Variants in RAMP1 observed in about 807,000 individuals in gnomAD.
RAMP1 encodes the protein receptor activity-modifying protein 1.
Under a neutral mutation model 8.2 loss-of-function variants are expected in RAMP1, and 7 were observed. The observed-to-expected ratio is 0.85, with a 90% CI of 0.49 to 1.60. RAMP1 has a LOEUF of 1.60. Ranked by LOEUF, RAMP1 falls within the 40% of genes most tolerant of loss-of-function variation. The probability of loss-of-function intolerance (pLI) is 0.00; values close to 1 mark genes in which losing one functional copy is unlikely to be tolerated. For synonymous variants in RAMP1, 92 were observed against 84.7 expected (o/e 1.09, Z -0.47); for missense variants, 192 against 202.4 (o/e 0.95, Z 0.31).
intron 2 of RAMP1, among the ~76,000 whole-genome samples, chr2:237,893,343 T>C (rs2062505071): frequency 6.6e-6 from 1 of 152,202 alleles, no homozygotes; most frequent in South Asian, 2.1e-4. Flanking sequence ...TGAGAACTTG[T>C]TTTGCTGATG....
intron 1 of RAMP1, among the ~76,000 whole-genome samples, chr2:237,871,250 TAG>T (rs1346071059): frequency 6.6e-6 from 1 of 152,140 alleles, no homozygotes; most frequent in African/African-American, 2.4e-5. Flanking sequence ...AGCTGACCCC[TAG>T]AGAGACAGGA....
At chr2:237,867,322 G>C (rs2062197430) in intron 1 of RAMP1, among the ~76,000 whole-genome samples, 1 of 152,038 alleles carries the variant, frequency 6.6e-6, no homozygotes, top group Non-Finnish European at 1.5e-5. Flanking sequence ...CAAGAAGGAG[G>C]AGCAAGAGGA....
chr2:237,903,064 G>T (rs1467973632), intron 2 of RAMP1, among the ~76,000 whole-genome samples: 3 of 152,154 alleles, frequency 2.0e-5, no homozygotes, highest in African/African-American at 7.2e-5. Context: ...TCACTAGGTT[G>T]CCCAGGCTGG....
intron 2 of RAMP1, among the ~76,000 whole-genome samples, chr2:237,888,510 C>G (rs1336116924): frequency 6.6e-6 from 1 of 152,148 alleles, no homozygotes; most frequent in Non-Finnish European, 1.5e-5. Context: ...GAGATTTCCT[C>G]TGTAGTTTTA....
chr2:237,884,138 A>T (rs1334334205), intron 2 of RAMP1, among the ~76,000 whole-genome samples: 2 of 151,844 alleles, frequency 1.3e-5, no homozygotes, highest in African/African-American at 4.8e-5. Flanking sequence ...GTGATTCCTG[A>T]GCCCTTTCTA....
chr2:237,892,735 TTCTCTCTCTC>T lies in RAMP1; in HGVS notation c.191+15387_191+15396del, dbSNP rs35656622. On this transcript the variant is annotated intron_variant, in intron 2 of 2. Transcript: ENST00000254661. ...AGGAATCTGGGTTTTGGGCTTCCTCTTCTCTCTCTCTCTCTCTCTCTCTTCTCCATCCTTC... is the reference window on the plus strand; with the variant it reads ...AGGAATCTGGGTTTTGGGCTTCCTCTTCTCTCTCTCTCTTCTCCATCCTTC... 1.9e-3 allele frequency among the ~76,000 whole-genome samples: 282 copies of T among 148,736 alleles called. 1 individual carries two copies. Among genetic ancestry groups the T allele is most frequent in the African/African-American group, 6.5e-3 (262 of 40,492 alleles).
chr2:237,889,427 GC>G (rs2062467498), intron 2 of RAMP1, among the ~76,000 whole-genome samples: 1 of 152,044 alleles, frequency 6.6e-6, no homozygotes, highest in South Asian at 2.1e-4. Flanking sequence ...AAATAATGTC[GC>G]CAACCTCCAT....
rs570229066 is a variant in RAMP1 at position 237,880,440 on chromosome 2, C to T, written c.191+3078C>T. ...CCAGCCCTGAAGTCAGCCATTTCTCCAAGGAACACTGGTTCCTTTTGTTAG... is the reference window on the plus strand; with the variant it reads ...CCAGCCCTGAAGTCAGCCATTTCTCTAAGGAACACTGGTTCCTTTTGTTAG... On this transcript the variant is annotated intron_variant, in intron 2 of 2. Transcript: ENST00000254661. 2.6e-5 allele frequency among the ~76,000 whole-genome samples: 4 copies of T among 152,308 alleles called. No individual in the cohort carries two copies. In the East Asian group the frequency reaches 5.8e-4, roughly 22 times the overall value.
intron 2 of RAMP1, among the ~76,000 whole-genome samples, chr2:237,891,140 T>C (rs527311124): frequency 3.5e-4 from 54 of 152,172 alleles, no homozygotes; most frequent in African/African-American, 1.3e-3. Flanking sequence ...TGTCAGTTTT[T>C]TTCATTGTAT....
rs548708312 is a variant in RAMP1, at chr2:237,871,874, A to C, written c.53-5350A>C. Among the ~76,000 whole-genome samples, 812 of 152,372 alleles carry C rather than the reference A, an allele frequency of 5.3e-3. 17 individuals are homozygous for C. Among genetic ancestry groups the C allele is most frequent in the Non-Finnish European group, 4.9e-3 (335 of 68,038 alleles). ...AGACCCTGTCTCCAAAAAAGGAAGA[A>C]AGAAAACCACTAGATACGGTGATGG... is the stretch of plus-strand genomic sequence containing the variant. On this transcript the variant is annotated intron_variant, in intron 1 of 2. Transcript: ENST00000254661.
intron 1 of RAMP1, among the ~76,000 whole-genome samples, chr2:237,868,432 T>G (rs1263185835): frequency 1.3e-5 from 2 of 152,196 alleles, no homozygotes; most frequent in Non-Finnish European, 2.9e-5. Context: ...TGTGAACAAT[T>G]ATTTTTCTAA....
At chr2:237,873,855 G>A (rs1312068214) in intron 1 of RAMP1, among the ~76,000 whole-genome samples, 1 of 152,212 alleles carries the variant, frequency 6.6e-6, no homozygotes, top group African/African-American at 2.4e-5. Flanking sequence ...TTCTTCGCCT[G>A]TACCTAAAAA....
In RAMP1 at chr2:237,859,694, C is replaced by G; in HGVS notation, c.19C>G (p.Arg7Gly). Residue 7 changes from arginine to glycine, a missense_variant, in exon 1 of 3, where the codon CGC (arginine) becomes GGC (glycine). Physicochemically the swap from Arg to Gly is moderately radical, Grantham distance 125. Coordinates refer to ENST00000254661, the MANE Select transcript of RAMP1 (RefSeq NM_005855.4). ...GTGCACCATGGCCCGGGCCCTGTGC[C>G]GCCTCCCGCGGCGCGGCCTCTGGCT... The part of the protein sequence containing the change: MARALC[R>G]LPRRGLWLLL... 1 of 1,512,320 alleles carries G rather than the reference C, an allele frequency of 6.6e-7. No individual in the cohort carries two copies. Among genetic ancestry groups the G allele is most frequent in the East Asian group, 2.8e-5 (1 of 36,134 alleles). 93.7% of individuals were successfully genotyped at this position (1,512,320 alleles called of 1,614,324 possible). A position where few individuals can be genotyped will look rare whatever the true frequency, so the allele number is the denominator to read the frequency against.
intron 2 of RAMP1, among the ~76,000 whole-genome samples, chr2:237,894,913 T>G (rs1446350127): frequency 6.6e-6 from 1 of 152,098 alleles, no homozygotes; most frequent in Non-Finnish European, 1.5e-5. Flanking sequence ...CCTACTCCTA[T>G]CTGGTTGTGG....
intron 2 of RAMP1, among the ~76,000 whole-genome samples, chr2:237,894,104 G>T (rs1168849128): frequency 6.7e-6 from 1 of 150,332 alleles, no homozygotes; most frequent in East Asian, 2.0e-4. Context: ...CTAGAAGCTG[G>T]GACTACAGGT....
chr2:237,881,676 C>T (rs954790975), intron 2 of RAMP1, among the ~76,000 whole-genome samples: 3 of 152,174 alleles, frequency 2.0e-5, no homozygotes, highest in East Asian at 1.9e-4. Context: ...GGAGTGAATC[C>T]GAACATCTTT....
At chr2:237,897,422 T>G (rs2062552415) in intron 2 of RAMP1, among the ~76,000 whole-genome samples, 1 of 152,214 alleles carries the variant, frequency 6.6e-6, no homozygotes, top group South Asian at 2.1e-4. Context: ...CAGGAGGAAT[T>G]GTGGCCTCCT....
At chr2:237,883,737 G>A (rs2062397200) in intron 2 of RAMP1, among the ~76,000 whole-genome samples, 1 of 150,264 alleles carries the variant, frequency 6.7e-6, no homozygotes, top group South Asian at 2.1e-4. Context: ...GATCACTCAA[G>A]CCTGAGAGGT....
chr2:237,896,699 G>A (rs1407304411), intron 2 of RAMP1, among the ~76,000 whole-genome samples: 1 of 152,216 alleles, frequency 6.6e-6, no homozygotes, highest in Non-Finnish European at 1.5e-5. Context: ...AGATTGGAAT[G>A]CAGTTGCATG....
Sources: allele counts gnomAD v4.1 joint callset (sites outside exome capture counted in the v4.1 genomes callset), GRCh38; gene constraint gnomAD v4.1.1; transcripts MANE v1.5; gene names NCBI Gene and HGNC (gene_info 2026-07-23, HGNC 2026-07-21).